Variants in FAM110B observed in about 807,000 individuals in gnomAD.
FAM110B encodes the protein family with sequence similarity 110 member B, also known as protein FAM110B.
A neutral mutation model predicts 20.4 loss-of-function variants in FAM110B; 6 were observed. That is an observed-to-expected ratio of 0.29 (90% CI 0.16 to 0.58). The LOEUF (loss-of-function observed/expected upper bound fraction) is 0.58, where lower values mean the gene tolerates loss of function less well. FAM110B is among the 20% of genes least tolerant of loss of function. The pLI, the probability that FAM110B is intolerant of heterozygous loss-of-function variation, is 0.90. For missense variants in FAM110B, 434 were observed against 498.2 expected (o/e 0.87, Z 1.23); for synonymous variants, 226 against 214.1 (o/e 1.06, Z -0.49).
chr8:58,094,061 G>A (rs1215587759), intron 3 of FAM110B, among the ~76,000 whole-genome samples: 1 of 152,068 alleles, frequency 6.6e-6, no homozygotes, highest in East Asian at 1.9e-4. Context: ...TCTATTATTG[G>A]TGTATAGGAA....
At chr8:58,053,710 C>T (rs1805499052) in intron 2 of FAM110B, among the ~76,000 whole-genome samples, 1 of 152,140 alleles carries the variant, frequency 6.6e-6, no homozygotes, top group African/African-American at 2.4e-5. Context: ...TATTTTATCT[C>T]AATGATTTTT....
chr8:58,025,166 C>G (rs1182778455), intron 1 of FAM110B, among the ~76,000 whole-genome samples: 1 of 152,152 alleles, frequency 6.6e-6, no homozygotes, highest in Non-Finnish European at 1.5e-5. Context: ...CTATAACTAA[C>G]CTTTATATCT....
Position 58,146,605 on chromosome 8 carries a change from C to T in FAM110B, c.375C>T (p.Ile125=). The T allele has an allele frequency of 6.2e-7, 1 of 1,614,018 alleles. No individual in the cohort carries two copies. Among genetic ancestry groups the T allele is most frequent in the Non-Finnish European group, 8.5e-7 (1 of 1,179,940 alleles). The change falls in exon 4 of 4, where the codon ATC becomes ATT. Residue 125 remains isoleucine (I), a synonymous_variant. Transcript: ENST00000519262. ...NLKLEILKNI[I]NSSEGSSSGS... ...AGCTGGAGATCCTGAAGAACATCAT[C>T]AATAGCTCCGAGGGCTCTAGCTCGG...
intron 2 of FAM110B, among the ~76,000 whole-genome samples, chr8:58,035,508 G>GAGTATGCA (rs1376089655): frequency 6.6e-6 from 1 of 152,188 alleles, no homozygotes; most frequent in East Asian, 1.9e-4. Context: ...TTAAAGAAAA[G>GAGTATGCA]AGTATGCATA....
intron 2 of FAM110B, among the ~76,000 whole-genome samples, chr8:58,062,423 C>A (rs560243486): frequency 6.6e-6 from 1 of 152,134 alleles, no homozygotes; most frequent in Non-Finnish European, 1.5e-5. Context: ...TAAACAGACT[C>A]CATTTGCACA....
chr8:58,124,342 C>A (rs1384820683), intron 3 of FAM110B, among the ~76,000 whole-genome samples: 2 of 152,180 alleles, frequency 1.3e-5, no homozygotes, highest in Non-Finnish European at 2.9e-5. Flanking sequence ...CACAGCAGAC[C>A]ATTGCTAAGA....
At chr8:58,053,899 C>T (rs983486581) in intron 2 of FAM110B, among the ~76,000 whole-genome samples, 13 of 152,140 alleles carry the variant, frequency 8.5e-5, no homozygotes, top group African/African-American at 2.4e-4. Flanking sequence ...ACTTGAGAAA[C>T]GAATTATTCT....
Position 58,106,534 on chromosome 8 carries a change from C to T in FAM110B, c.-325+30911C>T, listed in dbSNP as rs528634525. 9.9e-5 allele frequency among the ~76,000 whole-genome samples: 15 copies of T among 152,252 alleles called. No homozygotes were observed. The South Asian group carries it at 1.9e-3, about 19-fold the overall frequency. On this transcript the variant is annotated intron_variant, in intron 3 of 3. Coordinates refer to ENST00000519262, the MANE Select transcript of FAM110B (RefSeq NM_001377989.1). Reference sequence around the variant, plus strand: ...TGATGGTGGGGATGTTGACACTGCTCGTGATCTGGGAGGAGACTCTGGATA... The same window carrying T: ...TGATGGTGGGGATGTTGACACTGCTTGTGATCTGGGAGGAGACTCTGGATA...
At chr8:58,060,672 G>C (rs1805638632) in intron 2 of FAM110B, among the ~76,000 whole-genome samples, 1 of 152,176 alleles carries the variant, frequency 6.6e-6, no homozygotes. Context: ...TGACAGGGAA[G>C]AAATTCTCTG....
At chr8:58,022,480 A>G (rs572726897) in intron 1 of FAM110B, among the ~76,000 whole-genome samples, 1 of 152,186 alleles carries the variant, frequency 6.6e-6, no homozygotes, top group South Asian at 2.1e-4. Context: ...GATAGTACTT[A>G]CTCCACTGAA....
At chr8:58,131,490 A>G (rs978633104) in intron 3 of FAM110B, among the ~76,000 whole-genome samples, 2 of 152,022 alleles carry the variant, frequency 1.3e-5, no homozygotes, top group Non-Finnish European at 2.9e-5. Flanking sequence ...GCCTCTAACT[A>G]TTACCTCCTC....
rs112859676 is a variant in FAM110B at position 58,089,011 on chromosome 8, G to A, written c.-325+13388G>A. ...AAAAACTCTGCAATAAAGCTTTGACGTTTTAAGATGACAATCAAATGGTCC... is the reference window on the plus strand; with the variant it reads ...AAAAACTCTGCAATAAAGCTTTGACATTTTAAGATGACAATCAAATGGTCC... On this transcript the variant is annotated intron_variant, in intron 3 of 3. Coordinates refer to ENST00000519262, the MANE Select transcript of FAM110B (RefSeq NM_001377989.1). 4.3e-3 allele frequency among the ~76,000 whole-genome samples: 658 copies of A among 152,256 alleles called. 2 individuals are homozygous for A. Among genetic ancestry groups the A allele is most frequent in the African/African-American group, 9.9e-3 (412 of 41,552 alleles).
At chr8:58,109,965 A>G (rs1439149170) in intron 3 of FAM110B, among the ~76,000 whole-genome samples, 1 of 152,298 alleles carries the variant, frequency 6.6e-6, no homozygotes, top group African/African-American at 2.4e-5. Context: ...TCGGAACATC[A>G]TACTCTCCAT....
chr8:58,017,045 A>G (rs946399549), intron 1 of FAM110B, among the ~76,000 whole-genome samples: 5 of 152,224 alleles, frequency 3.3e-5, no homozygotes, highest in Admixed American at 2.0e-4. Flanking sequence ...TTACTTTTTC[A>G]GTGCCTAGGG....
intron 2 of FAM110B, among the ~76,000 whole-genome samples, chr8:58,047,141 AT>A (rs1805335780): frequency 6.6e-6 from 1 of 152,214 alleles, no homozygotes; most frequent in Non-Finnish European, 1.5e-5. Flanking sequence ...TAGGTAGAAA[AT>A]GCAAACTCAG....
At chr8:58,019,170 A>ATCTACC (rs1563498599) in intron 1 of FAM110B, among the ~76,000 whole-genome samples, 2 of 144,528 alleles carry the variant, frequency 1.4e-5, no homozygotes, top group Non-Finnish European at 3.1e-5. Context: ...CCCCATCTAC[A>ATCTACC]CTAAAAAAAA....
At chr8:58,039,906 GC>G (rs1158977714) in intron 2 of FAM110B, among the ~76,000 whole-genome samples, 3 of 152,160 alleles carry the variant, frequency 2.0e-5, no homozygotes, top group African/African-American at 7.2e-5. Context: ...ACAGGCATAT[GC>G]CACCGTGCCT....
At chr8:58,029,588 G>A (rs143429251) in intron 1 of FAM110B, among the ~76,000 whole-genome samples, 2 of 152,092 alleles carry the variant, frequency 1.3e-5, no homozygotes, top group African/African-American at 4.8e-5. Flanking sequence ...TCTCTTAAGA[G>A]GTTATTTAGG....
At chr8:58,055,945 G>T (rs1421504187) in intron 2 of FAM110B, among the ~76,000 whole-genome samples, 4 of 152,244 alleles carry the variant, frequency 2.6e-5, no homozygotes, top group Admixed American at 1.3e-4. Flanking sequence ...CCCTGAAGTT[G>T]CAGCTTCCAG....
Sources: gnomAD v4.1 joint callset for allele counts (sites outside exome capture counted in the v4.1 genomes callset) on GRCh38, gnomAD v4.1.1 for gene constraint, MANE v1.5 for transcripts, NCBI Gene and HGNC (gene_info 2026-07-23, HGNC 2026-07-21) for gene names.